The following CWH43 variants were observed in gnomAD, a reference collection of about 807,000 sequenced individuals.
CWH43 encodes PGAP2-interacting protein.
In CWH43, 91 loss-of-function variants were observed where a neutral mutation model predicts 85.7. That is an observed-to-expected ratio of 1.06 (90% CI 0.90 to 1.26). The LOEUF (loss-of-function observed/expected upper bound fraction) is 1.26, where lower values mean the gene tolerates loss of function less well. Among genes scored for constraint, CWH43 ranks in the 50% most tolerant of loss-of-function variants. CWH43 has a pLI of 0.00. For synonymous variants in CWH43, 323 were observed against 293.6 expected (o/e 1.10, Z -1.02); for missense variants, 869 against 839.2 (o/e 1.04, Z -0.44).
intron 13 of CWH43, among the ~76,000 whole-genome samples, chr4:49,043,652 T>G (rs1784535478): frequency 1.3e-5 from 2 of 152,172 alleles, no homozygotes; most frequent in African/African-American, 2.4e-5. Flanking sequence ...CTTTATAGCA[T>G]CTTTATTTTT....
At chr4:49,008,184 T>C (rs1349484401) in intron 8 of CWH43, among the ~76,000 whole-genome samples, 1 of 152,258 alleles carries the variant, frequency 6.6e-6, no homozygotes, top group Non-Finnish European at 1.5e-5. Context: ...TGAGATGGTA[T>C]CCCATTGTGG....
chr4:49,040,504 C>G (rs2109823351), intron 13 of CWH43, among the ~76,000 whole-genome samples: 1 of 152,108 alleles, frequency 6.6e-6, no homozygotes, highest in Admixed American at 6.6e-5. Flanking sequence ...CAGTGATGAG[C>G]ATTTTTTCAT....
chr4:49,021,754 G>C (rs1212677632), intron 9 of CWH43, among the ~76,000 whole-genome samples: 1 of 151,908 alleles, frequency 6.6e-6, no homozygotes, highest in Non-Finnish European at 1.5e-5. Flanking sequence ...TCCTTGTAGA[G>C]GTCTTTCACC....
intron 5 of CWH43, among the ~76,000 whole-genome samples, chr4:48,996,449 T>C (rs1462207108): frequency 6.6e-6 from 1 of 152,222 alleles, no homozygotes; most frequent in Non-Finnish European, 1.5e-5. Flanking sequence ...GGAATGAATG[T>C]TGATTACTTA....
At chr4:49,048,478 C>G (rs1784699544) in intron 14 of CWH43, among the ~76,000 whole-genome samples, 1 of 151,800 alleles carries the variant, frequency 6.6e-6, no homozygotes, top group African/African-American at 2.4e-5. Context: ...ATACCATAGA[C>G]TTGGTGGTCT....
intron 9 of CWH43, among the ~76,000 whole-genome samples, chr4:49,017,844 T>A (rs1197066686): frequency 6.6e-6 from 1 of 151,844 alleles, no homozygotes; most frequent in African/African-American, 2.4e-5. Context: ...CACATTTTTT[T>A]TTTTTTTATT....
rs1784318997 is a variant in CWH43, at chr4:49,038,135, T to C, written c.1758T>C (p.Pro586=). The change falls in exon 13 of 16, where the codon CCT becomes CCC. Residue 586 remains proline, a synonymous_variant. Coordinates refer to ENST00000226432, the MANE Select transcript of CWH43 (RefSeq NM_025087.3). ...TTCTGGGATATATCACTTCAGCACC[T>C]GGCTCCAGAGATTATCTACAGCTCA... ...VIFLGYITSA[P]GSRDYLQLTE... The C allele has an allele frequency of 6.2e-7, 1 of 1,611,344 alleles. No individual in the cohort carries two copies. Among genetic ancestry groups the C allele is most frequent in the South Asian group, 1.1e-5 (1 of 90,480 alleles).
chr4:48,987,867 G>A lies in CWH43; in HGVS notation c.44-610G>A, dbSNP rs556626192. 4.5e-4 allele frequency among the ~76,000 whole-genome samples: 68 copies of A among 152,226 alleles called. 1 individual carries two copies. The highest frequency in any genetic ancestry group is 1.4e-3 in the African/African-American group (57 of 41,542). ...TCAAGTGCTTTTGGGTGTAGTCTGG[G>A]GTTGGAGGAGGGAGTCCTGCTGCTT... On this transcript the variant is annotated intron_variant, in intron 1 of 15. Transcript: ENST00000226432.
At chr4:49,060,608 C>T (rs1453550523) in intron 15 of CWH43, among the ~76,000 whole-genome samples, 1 of 152,132 alleles carries the variant, frequency 6.6e-6, no homozygotes, top group Non-Finnish European at 1.5e-5. Flanking sequence ...ACTATGCTAC[C>T]TAGTCTTGGG....
intron 7 of CWH43, 34 bp from the exon 8 acceptor site, chr4:49,007,167 G>T: frequency 6.3e-7 from 1 of 1,592,088 alleles, no homozygotes; most frequent in South Asian, 1.2e-5. Flanking sequence ...TTTTGGATCA[G>T]ACTATAACAT....
chr4:49,026,634 A>T (rs1783926645), intron 9 of CWH43, among the ~76,000 whole-genome samples: 1 of 151,600 alleles, frequency 6.6e-6, no homozygotes, highest in South Asian at 2.1e-4. Flanking sequence ...AGAACATACG[A>T]TATTTGGTTT....
Position 49,017,449 on chromosome 4 carries a change from C to T in CWH43, c.1266+121C>T, listed in dbSNP as rs890648602. ...GACTTCAGAGCCCTGGGCCCTATCT[C>T]CTTAACCCTTATGTGCCAGACTGAT... On this transcript the variant is annotated intron_variant, in intron 9 of 15. Transcript: ENST00000226432. 70 of 624,984 alleles carry T rather than the reference C, an allele frequency of 1.1e-4. No homozygotes were observed. The African/African-American group carries it at 1.2e-3, about 11-fold the overall frequency. 38.7% of individuals were successfully genotyped at this position (624,984 alleles called of 1,614,324 possible).
chr4:49,050,638 G>A (rs773082866), intron 14 of CWH43, 56 bp from the exon 15 acceptor site: 164 of 1,449,136 alleles, frequency 1.1e-4, no homozygotes, highest in Non-Finnish European at 1.5e-4. Context: ...CTTGGATCTC[G>A]TTAGATTTCT....
chr4:49,059,948 C>T (rs544203542), intron 15 of CWH43, among the ~76,000 whole-genome samples: 17 of 152,232 alleles, frequency 1.1e-4, no homozygotes, highest in Admixed American at 3.9e-4. Context: ...AACCTGGGCC[C>T]ATGGAGCCTA....
At chr4:49,018,348 G>T (rs542326506) in intron 9 of CWH43, among the ~76,000 whole-genome samples, 1 of 152,104 alleles carries the variant, frequency 6.6e-6, no homozygotes, top group Non-Finnish European at 1.5e-5. Context: ...TTCAACATGA[G>T]ATTTGGTAGG....
intron 9 of CWH43, among the ~76,000 whole-genome samples, chr4:49,018,950 G>A (rs1331811292): frequency 6.6e-6 from 1 of 152,146 alleles, no homozygotes. Context: ...CATTATTATT[G>A]CAACATAATG....
intron 13 of CWH43, among the ~76,000 whole-genome samples, chr4:49,042,145 C>A (rs1248610892): frequency 1.3e-5 from 2 of 152,256 alleles, no homozygotes; most frequent in African/African-American, 4.8e-5. Flanking sequence ...CATGCAGGAT[C>A]AGCTAGGAGG....
At chr4:49,058,267 T>G (rs1785031075) in intron 15 of CWH43, among the ~76,000 whole-genome samples, 1 of 152,148 alleles carries the variant, frequency 6.6e-6, no homozygotes. Context: ...CTATAGGTTT[T>G]TTATTTGTAG....
intron 15 of CWH43, among the ~76,000 whole-genome samples, chr4:49,055,480 T>A (rs530234660): frequency 6.6e-6 from 1 of 152,334 alleles, no homozygotes; most frequent in Non-Finnish European, 1.5e-5. Context: ...GTAGCATCCT[T>A]GTCTGGCTTT....
Sources: allele counts gnomAD v4.1 joint callset (sites outside exome capture counted in the v4.1 genomes callset), GRCh38; gene constraint gnomAD v4.1.1; transcripts MANE v1.5; gene names NCBI Gene and HGNC (gene_info 2026-07-23, HGNC 2026-07-21).